Variants in LYPD6 observed in about 807,000 individuals in gnomAD.
LYPD6 encodes LY6/PLAUR domain containing 6, also known as ly6/PLAUR domain-containing protein 6.
In LYPD6, 15 loss-of-function variants were observed where a neutral mutation model predicts 22.7. The observed-to-expected ratio is 0.66, with a 90% CI of 0.44 to 1.02. LYPD6 has a LOEUF of 1.02. Ranked by LOEUF, LYPD6 falls within the 50% of genes least tolerant of loss-of-function variation. The pLI, the probability that LYPD6 is intolerant of heterozygous loss-of-function variation, is 0.00. For missense variants in LYPD6, 189 were observed against 208.4 expected (o/e 0.91, Z 0.57); for synonymous variants, 72 against 77.5 (o/e 0.93, Z 0.37).
chr2:149,433,557 G>T (rs1683364024), intron 1 of LYPD6, among the ~76,000 whole-genome samples: 1 of 152,186 alleles, frequency 6.6e-6, no homozygotes, highest in African/African-American at 2.4e-5. Context: ...GAGGCACCCT[G>T]CTTGTTATGA....
At position 149,473,277 on chromosome 2, in the gene LYPD6, A is replaced by G. The variant is rs1036136632; in HGVS notation, c.*2427A>G. 4 of 152,598 alleles carry G rather than the reference A, an allele frequency of 2.6e-5. No homozygotes were observed. The highest frequency in any genetic ancestry group is 5.9e-5 in the Non-Finnish European group (4 of 68,044). The allele number at this position is 152,598 out of a possible 1,614,324, so 9.5% of individuals were successfully genotyped here. A position where few individuals can be genotyped will look rare whatever the true frequency, so the allele number is the denominator to read the frequency against. On this transcript the variant is annotated 3_prime_UTR_variant, in exon 5 of 5. Transcript: ENST00000334166. ...CAGGGAGTGCTTGCAGACTCTGCAT[A>G]GATGTTGCTGCATGTGTCCCATGTG...
At chr2:149,450,632 G>A (rs188993632) in intron 3 of LYPD6, among the ~76,000 whole-genome samples, 18 of 152,262 alleles carry the variant, frequency 1.2e-4, no homozygotes, top group Admixed American at 9.2e-4. Flanking sequence ...TTTTATTGCC[G>A]TCTGTAGTCA....
Position 149,425,459 on chromosome 2 carries a change from T to C in LYPD6, c.-71-12179T>C, listed in dbSNP as rs764395281. 2.0e-5 allele frequency among the ~76,000 whole-genome samples: 3 copies of C among 152,148 alleles called. No individual in the cohort carries two copies. The East Asian group carries it at 5.8e-4, about 29-fold the overall frequency. On this transcript the variant is annotated intron_variant, in intron 1 of 4. Transcript: ENST00000334166. ...TGGGTGAATGAGTGAACATGTAAAA[T>C]AGAAAACAAGGAGGACAATTTTCTT...
intron 1 of LYPD6, among the ~76,000 whole-genome samples, chr2:149,400,734 C>T (rs1682536290): frequency 6.6e-6 from 1 of 152,166 alleles, no homozygotes; most frequent in Non-Finnish European, 1.5e-5. Flanking sequence ...AGAAAGTTTG[C>T]TTTCAGTTAT....
At chr2:149,394,307 GAC>G (rs1209691317) in intron 1 of LYPD6, among the ~76,000 whole-genome samples, 5 of 152,090 alleles carry the variant, frequency 3.3e-5, no homozygotes, top group Non-Finnish European at 4.4e-5. Flanking sequence ...GGTACAAGTA[GAC>G]AGAGTTGTCA....
chr2:149,400,769 A>G (rs1233540155), intron 1 of LYPD6, among the ~76,000 whole-genome samples: 1 of 152,226 alleles, frequency 6.6e-6, no homozygotes, highest in African/African-American at 2.4e-5. Context: ...CTTCTCCAGC[A>G]TATGCAAACA....
At chr2:149,411,566 G>A (rs1027792302) in intron 1 of LYPD6, among the ~76,000 whole-genome samples, 1 of 152,074 alleles carries the variant, frequency 6.6e-6, no homozygotes, top group Non-Finnish European at 1.5e-5. Flanking sequence ...CTAGTTAGTG[G>A]GTTGGCAGTG....
chr2:149,389,251 C>T (rs747984625), intron 1 of LYPD6, among the ~76,000 whole-genome samples: 1 of 152,094 alleles, frequency 6.6e-6, no homozygotes, highest in Non-Finnish European at 1.5e-5. Flanking sequence ...AAATACTGTC[C>T]TGTAGATGCC....
rs73964434 is a variant in LYPD6 at position 149,453,523 on chromosome 2, T to C, written c.217+4376T>C. Among the ~76,000 whole-genome samples, 749 of 152,342 alleles carry C rather than the reference T, an allele frequency of 4.9e-3. 6 individuals carry two copies. Among genetic ancestry groups the C allele is most frequent in the African/African-American group, 0.017 (700 of 41,578 alleles). On this transcript the variant is annotated intron_variant, in intron 3 of 4. Coordinates refer to ENST00000334166, the MANE Select transcript of LYPD6 (RefSeq NM_194317.5). ...ATATATAATCAGAAAAAGAAAATTA[T>C]TGAGTTAGAGGACACATATTCTTTT...
chr2:149,475,282 A>G (rs62190613), downstream of LYPD6, among the ~76,000 whole-genome samples: 2,779 of 152,254 alleles, frequency 0.018, 35 homozygotes, highest in African/African-American at 0.031. Context: ...TATGAATCTC[A>G]TTGTAACTGG....
intron 1 of LYPD6, among the ~76,000 whole-genome samples, chr2:149,336,861 T>C (rs1042475600): frequency 6.6e-6 from 1 of 152,068 alleles, no homozygotes; most frequent in Admixed American, 6.6e-5. Context: ...AATCTGTAGT[T>C]GAAAATTTTT....
intron 1 of LYPD6, among the ~76,000 whole-genome samples, chr2:149,436,232 T>G (rs1369217435): frequency 6.6e-6 from 1 of 152,230 alleles, no homozygotes; most frequent in African/African-American, 2.4e-5. Context: ...TTATGCTATT[T>G]AAAAAATCTT....
intron 1 of LYPD6, among the ~76,000 whole-genome samples, chr2:149,371,032 GTCT>G (rs1681796652): frequency 6.6e-6 from 1 of 152,182 alleles, no homozygotes; most frequent in Non-Finnish European, 1.5e-5. Flanking sequence ...TCTTTCTCCT[GTCT>G]TCTTGCTATG....
rs866416081 is a variant in LYPD6 at position 149,471,360 on chromosome 2, G to A, written c.*510G>A. ...GGAAATTCTGACTGAGTCCCTGGAA[G>A]AGTAGTAATTCCAACAATTCCAGCC... On this transcript the variant is annotated 3_prime_UTR_variant, in exon 5 of 5. Transcript: ENST00000334166. 2.0e-5 allele frequency: 3 copies of A among 152,290 alleles called. No homozygotes were observed. Among genetic ancestry groups the A allele is most frequent in the South Asian group, 4.1e-4 (2 of 4,830 alleles). The allele number at this position is 152,290 out of a possible 1,614,324, so 9.4% of individuals were successfully genotyped here.
chr2:149,388,353 G>GA (rs964464283), intron 1 of LYPD6, among the ~76,000 whole-genome samples: 9 of 151,656 alleles, frequency 5.9e-5, no homozygotes, highest in African/African-American at 1.7e-4. Context: ...GCTATTAAAT[G>GA]AAAAAAATGT....
intron 1 of LYPD6, among the ~76,000 whole-genome samples, chr2:149,374,119 C>T (rs1681867133): frequency 6.6e-6 from 1 of 152,156 alleles, no homozygotes; most frequent in East Asian, 1.9e-4. Context: ...TCCTTGGAGG[C>T]TAAATGGCCA....
At chr2:149,354,268 C>T (rs1294085752) in intron 1 of LYPD6, among the ~76,000 whole-genome samples, 1 of 152,154 alleles carries the variant, frequency 6.6e-6, no homozygotes, top group South Asian at 2.1e-4. Context: ...AGTGCAGTGT[C>T]ACGATCTCAG....
downstream of LYPD6, among the ~76,000 whole-genome samples, chr2:149,478,091 T>C (rs1573840988): frequency 6.6e-6 from 1 of 152,268 alleles, no homozygotes; most frequent in South Asian, 2.1e-4. Flanking sequence ...TAGAATCACC[T>C]GGGGTAGGGG....
chr2:149,359,789 A>G (rs1681535632), intron 1 of LYPD6, among the ~76,000 whole-genome samples: 1 of 152,160 alleles, frequency 6.6e-6, no homozygotes, highest in Non-Finnish European at 1.5e-5. Context: ...TACTTTTTGT[A>G]TCCCTCTATT....
Sources: allele counts gnomAD v4.1 joint callset (sites outside exome capture counted in the v4.1 genomes callset), GRCh38; gene constraint gnomAD v4.1.1; transcripts MANE v1.5; gene names NCBI Gene and HGNC (gene_info 2026-07-23, HGNC 2026-07-21).